The following HOXD11 variants were observed in gnomAD, a reference collection of about 807,000 sequenced individuals.
HOXD11 encodes homeobox protein Hox-D11.
Under a neutral mutation model 23.1 loss-of-function variants are expected in HOXD11, and 16 were observed. The ratio of observed to expected loss-of-function variants is 0.69; its 90% confidence interval spans 0.47 to 1.05. The LOEUF is 1.05. HOXD11 is among the 50% of genes least tolerant of loss of function. HOXD11 has a pLI of 0.00. For missense variants in HOXD11, 564 were observed against 495.6 expected (o/e 1.14, Z -1.31); for synonymous variants, 262 against 224.4 (o/e 1.17, Z -1.50).
At chr2:176,111,840 A>AAAAAAAC (rs1553518461), downstream of HOXD11, among the ~76,000 whole-genome samples, 122 of 140,854 alleles carry the variant, frequency 8.7e-4, 5 homozygotes, top group African/African-American at 1.4e-3. Context: ...AAAAAAAAAA[A>AAAAAAAC]AAAAAAAAAC....
At chr2:176,114,062 T>C (rs1356062120), downstream of HOXD11, among the ~76,000 whole-genome samples, 1 of 152,180 alleles carries the variant, frequency 6.6e-6, no homozygotes, top group East Asian at 1.9e-4. Flanking sequence ...TTTCTTAGGG[T>C]AGGGAAAATT....
chr2:176,107,914 G>T lies in HOXD11; in HGVS notation c.559G>T (p.Gly187Trp). ...CGACCAGTTCTACGAGGCAGCGCCC[G>T]GGCCCCCGTTCGCCGGGCCGCAGCC... ...GFDQFYEAAP[G>W]PPFAGPQPPP... is the part of the protein sequence containing the mutation. Residue 187 changes from glycine (G) to tryptophan (W), a missense_variant, in exon 1 of 2, where the codon GGG (glycine) becomes TGG (tryptophan). Gly to Trp is a radical substitution (Grantham distance 184, BLOSUM62 -2). Coordinates refer to ENST00000249504, the MANE Select transcript of HOXD11 (RefSeq NM_021192.3). 3 of 1,430,756 alleles carry T rather than the reference G, an allele frequency of 2.1e-6. No homozygotes were observed. Among genetic ancestry groups the T allele is most frequent in the Non-Finnish European group, 2.7e-6 (3 of 1,091,424 alleles). The allele number at this position is 1,430,756 out of a possible 1,614,324, so 88.6% of individuals were successfully genotyped here.
rs776263877 is a variant in HOXD11 at position 176,107,455 on chromosome 2, T to C, written c.100T>C (p.Phe34Leu). Reference protein sequence around the residue: ...APSDFASKPSFLSQPSSCQMT... With the variant: ...APSDFASKPSLLSQPSSCQMT... The stretch of plus-strand genomic sequence containing the variant: ...GTCTGACTTCGCTAGCAAGCCTTCG[T>C]TCCTTTCCCAACCGTCGTCCTGCCA... The change falls in exon 1 of 2, where the codon TTC becomes CTC. Residue 34 changes from phenylalanine (F) to leucine (L), a missense_variant. Transcript: ENST00000249504. 1.1e-5 allele frequency: 17 copies of C among 1,613,832 alleles called. No homozygotes were observed. The highest frequency in any genetic ancestry group is 1.4e-5 in the Non-Finnish European group (17 of 1,179,916).
chr2:176,111,949 G>GA (rs35155091), downstream of HOXD11, among the ~76,000 whole-genome samples: 6,342 of 151,090 alleles, frequency 0.042, 177 homozygotes, highest in Middle Eastern at 0.065. Context: ...ATGTCTCTCA[G>GA]AAAAAAATAA....
At chr2:176,108,667 G>GTGTA (rs1467356693) in intron 1 of HOXD11, 3 of 526,150 alleles carry the variant, frequency 5.7e-6, no homozygotes, top group East Asian at 6.2e-5. Flanking sequence ...CTCTGTGTGT[G>GTGTA]TGTGTGTGTG....
At chr2:176,108,665 G>A in intron 1 of HOXD11, 1 of 497,640 alleles carries the variant, frequency 2.0e-6, no homozygotes, top group Non-Finnish European at 3.5e-6. Context: ...GGCTCTGTGT[G>A]TGTGTGTGTG....
At chr2:176,110,257 T>TA (rs1689655634), downstream of HOXD11, among the ~76,000 whole-genome samples, 1 of 152,216 alleles carries the variant, frequency 6.6e-6, no homozygotes, top group African/African-American at 2.4e-5. Flanking sequence ...TACTGCACTT[T>TA]ATGTTGCAGG....
chr2:176,112,793 C>T (rs576425029), downstream of HOXD11, among the ~76,000 whole-genome samples: 32 of 152,346 alleles, frequency 2.1e-4, no homozygotes, highest in African/African-American at 7.2e-4. Context: ...CAGCCGCCTG[C>T]GAAACACCGC....
Position 176,107,387 on chromosome 2 carries a change from C to A in HOXD11, c.32C>A (p.Ala11Glu), listed in dbSNP as rs369053074. 1.4e-4 allele frequency: 227 copies of A among 1,611,912 alleles called. No individual in the cohort carries two copies. The highest frequency in any genetic ancestry group is 1.0e-4 in the Admixed American group (6 of 59,834). Residue 11 changes from alanine to glutamate, a missense_variant, in exon 1 of 2, where the codon GCA becomes GAA. Transcript: ENST00000249504. MNDFDECGQS[A>E]ASMYLPGCAY... ...GACTTTGACGAGTGCGGCCAGAGCGCAGCCAGCATGTACCTGCCGGGCTGC... is the reference window on the plus strand; with the variant it reads ...GACTTTGACGAGTGCGGCCAGAGCGAAGCCAGCATGTACCTGCCGGGCTGC...
downstream of HOXD11, among the ~76,000 whole-genome samples, chr2:176,113,086 G>A (rs578244479): frequency 6.6e-6 from 1 of 152,306 alleles, no homozygotes; most frequent in East Asian, 1.9e-4. Context: ...TATTGCATTG[G>A]TGGTAGACTC....
the HOXD11 span, among the ~76,000 whole-genome samples, chr2:176,115,061 G>A: frequency 6.6e-6 from 1 of 152,368 alleles, no homozygotes; most frequent in African/African-American, 2.4e-5. Context: ...TCCGCAGGGC[G>A]GCTCACCCGC....
rs747958190 is a variant in HOXD11, at chr2:176,108,989, C to T, written c.864C>T (p.Asn288=). 1.9e-6 allele frequency: 3 copies of T among 1,613,992 alleles called. No individual in the cohort carries two copies. The highest frequency in any genetic ancestry group is 2.2e-5 in the East Asian group (1 of 44,874). Residue 288 remains asparagine, a synonymous_variant, in exon 2 of 2, where the codon AAC becomes AAT. Transcript: ENST00000249504. The stretch of plus-strand genomic sequence containing the variant: ...AACTGGAACGCGAGTTTTTCTTTAA[C>T]GTGTACATAAACAAAGAGAAAAGAC... ...IRELEREFFF[N]VYINKEKRLQ...
In HOXD11 at chr2:176,109,187, C is replaced by T. The variant is rs752161599; in HGVS notation, c.*45C>T. 3 of 1,172,432 alleles carry T rather than the reference C, an allele frequency of 2.6e-6. No homozygotes were observed. Among genetic ancestry groups the T allele is most frequent in the South Asian group, 2.5e-5 (2 of 80,690 alleles). The allele number at this position is 1,172,432 out of a possible 1,614,324, so 72.6% of individuals were successfully genotyped here. On this transcript the variant is annotated 3_prime_UTR_variant, in exon 2 of 2. Transcript: ENST00000249504. ...CACCCCAGCCCCACTCACCCACCCT[C>T]CTTCCCACCAGCCTGCTCTCCGCAG... is the stretch of plus-strand genomic sequence containing the variant.
At chr2:176,115,139 AGTG>A in the HOXD11 span, among the ~76,000 whole-genome samples, 2 of 119,472 alleles carry the variant, frequency 1.7e-5, no homozygotes, top group African/African-American at 1.4e-4. Flanking sequence ...CCATGGTGGT[AGTG>A]GTGGTAGTGG....
downstream of HOXD11, among the ~76,000 whole-genome samples, chr2:176,110,198 C>G (rs976028530): frequency 6.6e-6 from 1 of 152,312 alleles, no homozygotes; most frequent in Admixed American, 6.5e-5. Context: ...GAGCTGCAGA[C>G]CCTCTCACGG....
chr2:176,107,377 G>C lies in HOXD11; in HGVS notation c.22G>C (p.Gly8Arg), dbSNP rs913252166. The change falls in exon 1 of 2, where the codon GGC (glycine) becomes CGC (arginine). Residue 8 changes from glycine to arginine, a missense_variant. Transcript: ENST00000249504. MNDFDECGQSAASMYLPG... is the reference protein window; with the variant it reads MNDFDECRQSAASMYLPG... ...AGTCATGAACGACTTTGACGAGTGC[G>C]GCCAGAGCGCAGCCAGCATGTACCT... 2 of 1,610,238 alleles carry C rather than the reference G, an allele frequency of 1.2e-6. No homozygotes were observed. The highest frequency in any genetic ancestry group is 8.5e-7 in the Non-Finnish European group (1 of 1,178,560).
In HOXD11 at chr2:176,107,644, G is replaced by C; in HGVS notation, c.289G>C (p.Gly97Arg). The change falls in exon 1 of 2, where the codon GGC becomes CGC. Residue 97 changes from glycine (G) to arginine (R), a missense_variant. Transcript: ENST00000249504. ...GSSGGGPGGG[G>R]GGAGGYAPYY... Reference sequence around the variant, plus strand: ...CAGCGGGGGCGGCCCCGGCGGGGGCGGCGGCGGCGCGGGGGGCTACGCTCC... The same window carrying C: ...CAGCGGGGGCGGCCCCGGCGGGGGCCGCGGCGGCGCGGGGGGCTACGCTCC... The C allele has an allele frequency of 1.0e-6, 1 of 977,600 alleles. No individual in the cohort carries two copies. The highest frequency in any genetic ancestry group is 4.5e-5 in the South Asian group (1 of 21,990). 60.6% of individuals were successfully genotyped at this position (977,600 alleles called of 1,614,324 possible).
downstream of HOXD11, among the ~76,000 whole-genome samples, chr2:176,110,815 C>T (rs1053559680): frequency 6.6e-6 from 1 of 152,214 alleles, no homozygotes; most frequent in Non-Finnish European, 1.5e-5. Flanking sequence ...GATCAATAAC[C>T]TTAATTTCCC....
At chr2:176,110,050 C>A, downstream of HOXD11, among the ~76,000 whole-genome samples, 1 of 151,992 alleles carries the variant, frequency 6.6e-6, no homozygotes. Flanking sequence ...AAAGAAGAAA[C>A]CAAAATTAGA....
Sources: allele counts gnomAD v4.1 joint callset (sites outside exome capture counted in the v4.1 genomes callset), GRCh38; gene constraint gnomAD v4.1.1; transcripts MANE v1.5; gene names NCBI Gene and HGNC (gene_info 2026-07-23, HGNC 2026-07-21).